Variants in TNNI3K observed in about 807,000 individuals in gnomAD.
TNNI3K encodes TNNI3 interacting kinase, also known as serine/threonine-protein kinase TNNI3K.
Under a neutral mutation model 114.5 loss-of-function variants are expected in TNNI3K, and 140 were observed. That is an observed-to-expected ratio of 1.22 (90% CI 1.07 to 1.41). The LOEUF is 1.41. Among genes scored for constraint, TNNI3K ranks in the 40% most tolerant of loss-of-function variants. The pLI is 0.00. For missense variants in TNNI3K, 1,125 were observed against 1,007.6 expected, an observed-to-expected ratio of 1.12 and a Z score of -1.58; for synonymous variants, 347 against 347.5, an observed-to-expected ratio of 1.00 and a Z score of 0.02.
intron 17 of TNNI3K, among the ~76,000 whole-genome samples, chr1:74,393,781 AAACTATTTCACC>A (rs1663926855): frequency 6.6e-6 from 1 of 152,168 alleles, no homozygotes; most frequent in Non-Finnish European, 1.5e-5. Context: ...TTTCAGGATG[AAACTATTTCACC>A]TCAGATCATT....
At chr1:74,493,792 C>G (rs1404302416) in intron 23 of TNNI3K, among the ~76,000 whole-genome samples, 2 of 152,160 alleles carry the variant, frequency 1.3e-5, no homozygotes, top group Non-Finnish European at 2.9e-5. Flanking sequence ...AGAGGACAAG[C>G]CCAAATTTAC....
intron 23 of TNNI3K, among the ~76,000 whole-genome samples, chr1:74,507,429 T>TAC (rs968176103): frequency 6.6e-6 from 1 of 152,072 alleles, no homozygotes; most frequent in African/African-American, 2.4e-5. Context: ...TCAATTGCCA[T>TAC]ACACACACAC....
intron 6 of TNNI3K, among the ~76,000 whole-genome samples, chr1:74,332,956 CAAAA>C (rs796977281): frequency 0.026 from 2,416 of 92,720 alleles, 83 homozygotes; most frequent in African/African-American, 0.075. Flanking sequence ...CTGAAAATAA[CAAAA>C]AAAAAAAAAA....
intron 2 of TNNI3K, among the ~76,000 whole-genome samples, chr1:74,241,772 T>A (rs1326667885): frequency 6.6e-6 from 1 of 152,142 alleles, no homozygotes; most frequent in Non-Finnish European, 1.5e-5. Flanking sequence ...CAGAAGCTCT[T>A]TAGTTTAATT....
chr1:74,502,252 C>T (rs901570327), intron 23 of TNNI3K, among the ~76,000 whole-genome samples: 3 of 152,170 alleles, frequency 2.0e-5, no homozygotes, highest in African/African-American at 4.8e-5. Flanking sequence ...CCTTTTGCTG[C>T]TGTTTCTCCA....
chr1:74,507,312 T>C (rs1175091805), intron 23 of TNNI3K, among the ~76,000 whole-genome samples: 1 of 149,916 alleles, frequency 6.7e-6, no homozygotes, highest in African/African-American at 2.4e-5. Flanking sequence ...TAGGAAGTTG[T>C]CCTAAATACC....
At chr1:74,341,301 C>G (rs1215599488) in intron 7 of TNNI3K, among the ~76,000 whole-genome samples, 1 of 152,128 alleles carries the variant, frequency 6.6e-6, no homozygotes, top group Non-Finnish European at 1.5e-5. Context: ...CAGCAAATTT[C>G]TAAGATGGAC....
chr1:74,423,376 T>C (rs1176827517), intron 17 of TNNI3K, among the ~76,000 whole-genome samples: 2 of 152,138 alleles, frequency 1.3e-5, no homozygotes, highest in Non-Finnish European at 2.9e-5. Context: ...TGTTCCCAAA[T>C]TAATTCAACA....
At chr1:74,456,849 T>A (rs1667246908) in intron 20 of TNNI3K, among the ~76,000 whole-genome samples, 1 of 152,112 alleles carries the variant, frequency 6.6e-6, no homozygotes, top group Non-Finnish European at 1.5e-5. Context: ...AAACTGGAAG[T>A]CCAGGAACCA....
intron 23 of TNNI3K, among the ~76,000 whole-genome samples, chr1:74,537,173 A>T (rs1289219321): frequency 6.6e-6 from 1 of 152,242 alleles, no homozygotes. Flanking sequence ...AAGAAACCAG[A>T]TAGCCATTTT....
At chr1:74,444,189 A>G (rs1227613908) in intron 20 of TNNI3K, among the ~76,000 whole-genome samples, 1 of 152,188 alleles carries the variant, frequency 6.6e-6, no homozygotes, top group East Asian at 1.9e-4. Flanking sequence ...GAAGCTAAGC[A>G]TATTCAAATA....
intron 5 of TNNI3K, among the ~76,000 whole-genome samples, chr1:74,284,398 G>A (rs1379122654): frequency 5.9e-5 from 9 of 151,976 alleles, no homozygotes; most frequent in South Asian, 4.2e-4. Context: ...TCTCTTTTGC[G>A]GTGACCCTTA....
chr1:74,287,279 A>G (rs1657391681), intron 5 of TNNI3K, among the ~76,000 whole-genome samples: 1 of 152,158 alleles, frequency 6.6e-6, no homozygotes, highest in African/African-American at 2.4e-5. Flanking sequence ...ACAGAGAAAG[A>G]GAAAGGGGAA....
At chr1:74,413,422 A>G (rs1344388839) in intron 17 of TNNI3K, among the ~76,000 whole-genome samples, 1 of 152,180 alleles carries the variant, frequency 6.6e-6, no homozygotes, top group South Asian at 2.1e-4. Context: ...TAAGAAAGCT[A>G]TTGTTTCTGA....
intron 17 of TNNI3K, among the ~76,000 whole-genome samples, chr1:74,386,878 A>T (rs918992734): frequency 1.3e-5 from 2 of 152,174 alleles, no homozygotes; most frequent in African/African-American, 4.8e-5. Context: ...AATATAGTTT[A>T]CATTGATCTC....
chr1:74,290,973 G>A (rs1657642585), intron 5 of TNNI3K, among the ~76,000 whole-genome samples: 2 of 151,652 alleles, frequency 1.3e-5, no homozygotes, highest in Admixed American at 6.6e-5. Context: ...ATGTTCTTTT[G>A]TAAACATATG....
At chr1:74,418,106 A>G (rs1256139680) in intron 17 of TNNI3K, 6 of 438,382 alleles carry the variant, frequency 1.4e-5, no homozygotes, top group Admixed American at 2.6e-5. Flanking sequence ...AACATGTTAT[A>G]TGGGACTGTG....
chr1:74,421,231 A>C (rs1358792659), intron 17 of TNNI3K, among the ~76,000 whole-genome samples: 1 of 152,136 alleles, frequency 6.6e-6, no homozygotes, highest in Non-Finnish European at 1.5e-5. Flanking sequence ...CAGTGTGTAA[A>C]AATCAAAATC....
At chr1:74,459,830 C>T (rs1667373752) in intron 20 of TNNI3K, among the ~76,000 whole-genome samples, 1 of 152,124 alleles carries the variant, frequency 6.6e-6, no homozygotes, top group Non-Finnish European at 1.5e-5. Context: ...GTTGAATCCA[C>T]AAATTGACAC....
Sources: gnomAD v4.1 joint callset for allele counts (sites outside exome capture counted in the v4.1 genomes callset) on GRCh38, gnomAD v4.1.1 for gene constraint, MANE v1.5 for transcripts, NCBI Gene and HGNC (gene_info 2026-07-23, HGNC 2026-07-21) for gene names.